The following IREB2 variants were observed in gnomAD, a reference collection of about 807,000 sequenced individuals.
IREB2 encodes iron responsive element binding protein 2.
IREB2 carries 39 observed loss-of-function variants against 118.8 expected under a neutral mutation model. The ratio of observed to expected loss-of-function variants is 0.33; its 90% CI spans 0.25 to 0.43. IREB2 has a LOEUF of 0.43. Ranked by LOEUF, IREB2 falls within the 20% of genes least tolerant of loss-of-function variation. The pLI, the probability that IREB2 is intolerant of heterozygous loss-of-function variation, is 1.00. For missense variants in IREB2, 900 were observed against 1,147.3 expected, an observed-to-expected ratio of 0.78 and a Z score of 3.11; for synonymous variants, 372 against 392.2, an observed-to-expected ratio of 0.95 and a Z score of 0.61.
intron 1 of IREB2, chr15:78,438,633 C>CAGCA (rs1288929179): frequency 2.1e-6 from 1 of 479,280 alleles, no homozygotes; most frequent in East Asian, 3.5e-5. Flanking sequence ...TGGCCGCTGC[C>CAGCA]TGCTGCCAGC....
At chr15:78,462,034 A>T (rs1338070575) in intron 2 of IREB2, among the ~76,000 whole-genome samples, 1 of 152,156 alleles carries the variant, frequency 6.6e-6, no homozygotes, top group African/African-American at 2.4e-5. Flanking sequence ...TTTTAAAATT[A>T]TATTTCTCAT....
chr15:78,467,512 C>T lies in IREB2; in HGVS notation c.629+1023C>T, dbSNP rs564159562. 7.9e-5 allele frequency among the ~76,000 whole-genome samples: 12 copies of T among 152,114 alleles called. 1 individual carries two copies. The highest frequency in any genetic ancestry group is 1.3e-4 in the Admixed American group (2 of 15,278). On this transcript the variant is annotated intron_variant, in intron 5 of 21. Coordinates refer to ENST00000258886, the MANE Select transcript of IREB2 (RefSeq NM_004136.4). The stretch of plus-strand genomic sequence containing the variant: ...TTCGAGGCCAGCCTGGCAAACATGG[C>T]GAAACCCCATCTCTACTAAAAATAC...
At position 78,490,406 on chromosome 15, in the gene IREB2, A is replaced by G. The variant is rs1032767432; in HGVS notation, c.2077-16A>G. 6.4e-6 allele frequency: 10 copies of G among 1,554,666 alleles called. No individual in the cohort carries two copies. Among genetic ancestry groups the G allele is most frequent in the Non-Finnish European group, 8.7e-6 (10 of 1,150,446 alleles). On this transcript the variant is annotated splice_polypyrimidine_tract_variant and intron_variant, in intron 16 of 21. Coordinates refer to ENST00000258886, the MANE Select transcript of IREB2 (RefSeq NM_004136.4). ...TTATCTTTGCTTTGGTTCATCAACG[A>G]AAACTGTATTCACAGATGGGGAATA...
chr15:78,468,669 A>T (rs1254909643), intron 5 of IREB2, among the ~76,000 whole-genome samples: 2 of 152,120 alleles, frequency 1.3e-5, no homozygotes, highest in South Asian at 2.1e-4. Flanking sequence ...ATAATACGTT[A>T]ATTCCTTTGT....
intron 5 of IREB2, 121 bp downstream of exon 5, chr15:78,466,610 G>A: frequency 1.5e-6 from 1 of 657,708 alleles, no homozygotes; most frequent in Non-Finnish European, 2.6e-6. Context: ...GTACTGAATT[G>A]AATTTTTATA....
chr15:78,465,112 C>T, intron 3 of IREB2, 139 bp from the exon 4 acceptor site: 2 of 674,128 alleles, frequency 3.0e-6, no homozygotes, highest in South Asian at 4.8e-5. Flanking sequence ...ATACTCCTAA[C>T]TTATAAAGTA....
chr15:78,494,425 A>G (rs557540894), intron 20 of IREB2, among the ~76,000 whole-genome samples, 161 bp downstream of exon 20: 15 of 152,284 alleles, frequency 9.9e-5, no homozygotes, highest in Non-Finnish European at 2.1e-4. Flanking sequence ...GATCTTTGGT[A>G]ATATTTTGTA....
rs573262556 is a variant in IREB2, at chr15:78,495,143, T to C, written c.2595+879T>C. ...AGATGCTTCTCTTTACAATTGTAGC[T>C]GTAAAAAGGCTGGCTGAAACACAGA... On this transcript the variant is annotated intron_variant, in intron 20 of 21. Coordinates refer to ENST00000258886, the MANE Select transcript of IREB2 (RefSeq NM_004136.4). Among the ~76,000 whole-genome samples the C allele has an allele frequency of 2.6e-5, 4 of 152,316 alleles. No individual in the cohort carries two copies. In the East Asian group the frequency reaches 5.8e-4, roughly 22 times the overall value.
chr15:78,467,658 C>G (rs926146816), intron 5 of IREB2, among the ~76,000 whole-genome samples: 1 of 152,046 alleles, frequency 6.6e-6, no homozygotes, highest in Non-Finnish European at 1.5e-5. Flanking sequence ...CCACTGCACT[C>G]CAGCCTGGGT....
chr15:78,441,722 G>A (rs879428907), intron 2 of IREB2, among the ~76,000 whole-genome samples: 4 of 152,258 alleles, frequency 2.6e-5, no homozygotes, highest in Admixed American at 1.3e-4. Context: ...GAAATAAGTT[G>A]TCATGGGAAT....
In IREB2 at chr15:78,470,608, A is replaced by C; in HGVS notation, c.699+7A>C. 6.5e-7 allele frequency: 1 copy of C among 1,532,662 alleles called. No homozygotes were observed. Among genetic ancestry groups the C allele is most frequent in the Non-Finnish European group, 8.9e-7 (1 of 1,120,794 alleles). The allele number at this position is 1,532,662 out of a possible 1,614,324, so 94.9% of individuals were successfully genotyped here. ...GAGGCTTCAGTTTTTTAAGGTATAA[A>C]TGATTCAGGGAAATTTTTGTATTGT... On this transcript the variant is annotated splice_region_variant and intron_variant, in intron 6 of 21. Transcript: ENST00000258886.
Position 78,479,832 on chromosome 15 carries a change from G to A in IREB2, c.1296+1435G>A, listed in dbSNP as rs548392690. ...CATCCTCAGGAGGCTGAGTAGGGAC[G>A]ATGGCTTGAGCCCAGGAGGTCAAGG... On this transcript the variant is annotated intron_variant, in intron 10 of 21. Transcript: ENST00000258886. 9.9e-5 allele frequency among the ~76,000 whole-genome samples: 15 copies of A among 151,502 alleles called. No homozygotes were observed. In the East Asian group the frequency reaches 2.7e-3, roughly 27 times the overall value.
intron 10 of IREB2, among the ~76,000 whole-genome samples, chr15:78,478,740 T>C (rs1275328176): frequency 6.6e-6 from 1 of 152,042 alleles, no homozygotes; most frequent in Non-Finnish European, 1.5e-5. Flanking sequence ...AATTCTAGAG[T>C]ACCTGACCAC....
chr15:78,481,683 T>A (rs1304842490), intron 10 of IREB2: 1 of 151,358 alleles, frequency 6.6e-6, no homozygotes. Flanking sequence ...GTATTTTTAG[T>A]AGAGATGGGG....
Position 78,501,095 on chromosome 15 carries a change from A to G in IREB2, c.*2952A>G, listed in dbSNP as rs2051936714. 1 of 152,178 alleles carries G rather than the reference A, an allele frequency of 6.6e-6. No individual in the cohort carries two copies. Among genetic ancestry groups the G allele is most frequent in the South Asian group, 2.1e-4 (1 of 4,834 alleles). 9.4% of individuals were successfully genotyped at this position (152,178 alleles called of 1,614,324 possible). ...GGAGATACTAAGATACTGGATGTTT[A>G]TCCTATCTTAGTTTGGTTGGAGTAA... On this transcript the variant is annotated 3_prime_UTR_variant, in exon 22 of 22. Transcript: ENST00000258886.
Position 78,494,142 on chromosome 15 carries a change from C to T in IREB2, c.2473C>T (p.Leu825=), listed in dbSNP as rs770766931. 1.9e-6 allele frequency: 3 copies of T among 1,613,328 alleles called. No homozygotes were observed. Among genetic ancestry groups the T allele is most frequent in the Middle Eastern group, 1.6e-4 (1 of 6,076 alleles). ...ATTTTGTGTTTGTTTTAATCTACAG[C>T]TAGATGTATTTGAGGCTGCAGAGCT... ...KTIHFPSGQT[L]DVFEAAELYQ... Residue 825 remains leucine (L), a splice_region_variant and synonymous_variant, in exon 20 of 22, where the codon CTA becomes TTA. Coordinates refer to ENST00000258886, the MANE Select transcript of IREB2 (RefSeq NM_004136.4).
chr15:78,458,605 C>A (rs1377588755), intron 2 of IREB2, among the ~76,000 whole-genome samples: 1 of 152,110 alleles, frequency 6.6e-6, no homozygotes, highest in African/African-American at 2.4e-5. Flanking sequence ...GGTGCCTTCA[C>A]CACTCACCCC....
chr15:78,494,160 G>A lies in IREB2; in HGVS notation c.2491G>A (p.Ala831Thr), dbSNP rs1222354164. 6 of 1,613,848 alleles carry A rather than the reference G, an allele frequency of 3.7e-6. No individual in the cohort carries two copies. The highest frequency in any genetic ancestry group is 5.1e-6 in the Non-Finnish European group (6 of 1,179,900). Residue 831 changes from alanine (A) to threonine (T), a missense_variant, in exon 20 of 22, where the codon GCA (alanine) becomes ACA (threonine). Ala to Thr is a moderately conservative substitution (Grantham distance 58, BLOSUM62 0). Coordinates refer to ENST00000258886, the MANE Select transcript of IREB2 (RefSeq NM_004136.4). ...TCTACAGCTAGATGTATTTGAGGCT[G>A]CAGAGCTGTACCAGAAAGAAGGTAT... is the stretch of plus-strand genomic sequence containing the variant. ...SGQTLDVFEA[A>T]ELYQKEGIPL...
chr15:78,495,652 T>G (rs1467631041), intron 20 of IREB2, among the ~76,000 whole-genome samples: 1 of 152,208 alleles, frequency 6.6e-6, no homozygotes, highest in Non-Finnish European at 1.5e-5. Flanking sequence ...TTTGTCAGTT[T>G]AGAGAATGTA....
Sources: allele counts gnomAD v4.1 joint callset (sites outside exome capture counted in the v4.1 genomes callset), GRCh38; gene constraint gnomAD v4.1.1; transcripts MANE v1.5; gene names NCBI Gene and HGNC (gene_info 2026-07-23, HGNC 2026-07-21).